Variants in ZNF398 observed in about 807,000 individuals in gnomAD.
ZNF398 encodes the protein zinc finger DNA binding protein ZER6.
A neutral mutation model predicts 41.9 loss-of-function variants in ZNF398; 18 were observed. That is an observed-to-expected ratio of 0.43 (90% CI 0.30 to 0.64). ZNF398 has a LOEUF of 0.64. ZNF398 is among the 30% of genes least tolerant of loss of function. The pLI, the probability that ZNF398 is intolerant of heterozygous loss-of-function variation, is 0.14. For synonymous variants in ZNF398, 260 were observed against 308.8 expected (o/e 0.84, Z 1.66); for missense variants, 669 against 822.8 (o/e 0.81, Z 2.29).
Position 149,148,863 on chromosome 7 carries a change from CTTTTTTTTTTTT to C in ZNF398, c.24+1114_24+1125del, listed in dbSNP as rs59895177. On this transcript the variant is annotated intron_variant, in intron 1 of 5. Coordinates refer to ENST00000475153, the MANE Select transcript of ZNF398 (RefSeq NM_170686.3). ...TTTATGCACGGACCTTTTTCTTTGT[CTTTTTTTTTTTT>C]TTTTTTTTTTTTTTTTAGCTCATCA... Among the ~76,000 whole-genome samples the C allele has an allele frequency of 1.6e-3, 102 of 63,284 alleles. 1 individual carries two copies. Among genetic ancestry groups the C allele is most frequent in the Middle Eastern group, 0.018 (1 of 56 alleles). The allele number at this position is 63,284 out of a possible 152,430, so 41.5% of individuals were successfully genotyped here.
chr7:149,144,671 C>G (rs1157494869), upstream of ZNF398, among the ~76,000 whole-genome samples: 1 of 151,812 alleles, frequency 6.6e-6, no homozygotes, highest in Non-Finnish European at 1.5e-5. Flanking sequence ...TCACTGCAAC[C>G]TCCTCCTCCT....
At position 149,179,885 on chromosome 7, in the gene ZNF398, A is replaced by C; in HGVS notation, c.*84A>C. 1 of 1,242,428 alleles carries C rather than the reference A, an allele frequency of 8.0e-7. No individual in the cohort carries two copies. Among genetic ancestry groups the C allele is most frequent in the Non-Finnish European group, 1.1e-6 (1 of 905,910 alleles). 77.0% of individuals were successfully genotyped at this position (1,242,428 alleles called of 1,614,324 possible). On this transcript the variant is annotated 3_prime_UTR_variant, in exon 6 of 6. Transcript: ENST00000475153. The surrounding 1 kb of genome is among the most constrained non-coding windows in gnomAD (Gnocchi z 6.1). ...AGAAGGTCTGTGAGCCCCATCCAAC[A>C]CCCACAGTAATTATTATCTGGCACA...
chr7:149,157,262 C>T (rs1207461587), intron 2 of ZNF398, among the ~76,000 whole-genome samples: 1 of 152,094 alleles, frequency 6.6e-6, no homozygotes, highest in Non-Finnish European at 1.5e-5. Flanking sequence ...GGGCGGGGCA[C>T]GGTGGCTAAT....
At chr7:149,163,072 C>T (rs188440432) in intron 2 of ZNF398, among the ~76,000 whole-genome samples, 71 of 152,280 alleles carry the variant, frequency 4.7e-4, no homozygotes, top group African/African-American at 1.7e-3. Flanking sequence ...CCTAAGAATA[C>T]AGGTGTGACA....
chr7:149,127,674 G>A (rs536433690), intron 1 of ZNF398, among the ~76,000 whole-genome samples: 79 of 151,914 alleles, frequency 5.2e-4, no homozygotes, highest in African/African-American at 1.9e-3. Flanking sequence ...CCGAGATCGC[G>A]CCACTGCACT....
rs1826982467 is a variant in ZNF398 at position 149,147,595 on chromosome 7, CG to C, written c.-147del. On this transcript the variant is annotated 5_prime_UTR_variant, in exon 1 of 6. Coordinates refer to ENST00000475153, the MANE Select transcript of ZNF398 (RefSeq NM_170686.3). This position sits in a 1 kb window ranked among gnomAD's most constrained non-coding sequence, Gnocchi z 5.6. ...TGCGCGTCCCGAGCCCCGACGGCCG[CG>C]TGAGTCCCGTCCGTGCGGGGAAGGC... is the stretch of plus-strand genomic sequence containing the variant. The C allele has an allele frequency of 1.1e-6, 1 of 898,004 alleles. No homozygotes were observed. The highest frequency in any genetic ancestry group is 1.4e-6 in the Non-Finnish European group (1 of 696,086). The allele number at this position is 898,004 out of a possible 1,614,324, so 55.6% of individuals were successfully genotyped here.
chr7:149,141,450 T>TTC (rs1826823244), intron 2 of ZNF398, among the ~76,000 whole-genome samples: 1 of 130,134 alleles, frequency 7.7e-6, no homozygotes, highest in Non-Finnish European at 1.6e-5. Context: ...TACTTTTCTT[T>TTC]TTTTTCTTTT....
At chr7:149,152,666 A>G (rs1178595807) in intron 1 of ZNF398, among the ~76,000 whole-genome samples, 2 of 151,520 alleles carry the variant, frequency 1.3e-5, no homozygotes, top group African/African-American at 4.9e-5. Context: ...TCCTGGGTTC[A>G]AGCGATTGTC....
intron 2 of ZNF398, among the ~76,000 whole-genome samples, chr7:149,164,392 GC>G (rs569538039): frequency 5.9e-4 from 90 of 152,030 alleles, no homozygotes; most frequent in African/African-American, 2.1e-3. Context: ...GGGTGACAGA[GC>G]AAGACTCCGT....
chr7:149,144,670 C>A (rs978996967), upstream of ZNF398, among the ~76,000 whole-genome samples: 3 of 151,870 alleles, frequency 2.0e-5, no homozygotes, highest in Admixed American at 6.6e-5. Flanking sequence ...CTCACTGCAA[C>A]CTCCTCCTCC....
At chr7:149,174,695 A>G (rs1373807986) in intron 4 of ZNF398, among the ~76,000 whole-genome samples, 1 of 152,106 alleles carries the variant, frequency 6.6e-6, no homozygotes, top group East Asian at 1.9e-4. Flanking sequence ...GCATGGTGGC[A>G]CACACCTGTG....
In ZNF398 at chr7:149,181,133, G is replaced by C. The variant is rs1795580472; in HGVS notation, c.*1332G>C. ...CTTTATGGATCTCAAATTTTCATCT[G>C]CACAATGAGGCTGTTGAAAGGAAAA... On this transcript the variant is annotated 3_prime_UTR_variant, in exon 6 of 6. Transcript: ENST00000475153. The C allele has an allele frequency of 6.6e-6, 1 of 152,500 alleles. No homozygotes were observed. The highest frequency in any genetic ancestry group is 2.4e-5 in the African/African-American group (1 of 41,398). The allele number at this position is 152,500 out of a possible 1,614,324, so 9.4% of individuals were successfully genotyped here. A position where few individuals can be genotyped will look rare whatever the true frequency, so the allele number is the denominator to read the frequency against.
At chr7:149,126,983 G>A (rs892440125) in intron 1 of ZNF398, among the ~76,000 whole-genome samples, 1 of 152,212 alleles carries the variant, frequency 6.6e-6, no homozygotes, top group Non-Finnish European at 1.5e-5. Context: ...CCGGCCTCGG[G>A]GCCGCCTGCG....
chr7:149,154,490 G>A, intron 2 of ZNF398, 150 bp downstream of exon 2: 1 of 1,000,184 alleles, frequency 1.0e-6, no homozygotes, highest in Non-Finnish European at 1.4e-6. Context: ...TTTTATGTTT[G>A]TCTATTTGGG....
Position 149,136,396 on chromosome 7 carries a change from C to T in ZNF398, c.-490+7452C>T, listed in dbSNP as rs114972765. Among the ~76,000 whole-genome samples the T allele has an allele frequency of 8.7e-3, 1,322 of 152,126 alleles. 14 individuals are homozygous for T. The highest frequency in any genetic ancestry group is 0.03 in the African/African-American group (1,252 of 41,506). Reference sequence around the variant, plus strand: ...GCGCCTCACTTCCCAGACGGGTTGGCGGCCGGGCAGAGGTGCTCCTCACTT... The same window carrying T: ...GCGCCTCACTTCCCAGACGGGTTGGTGGCCGGGCAGAGGTGCTCCTCACTT... On this transcript the variant is annotated intron_variant, in intron 2 of 6. Transcript: ENST00000426851.
intron 1 of ZNF398, among the ~76,000 whole-genome samples, chr7:149,149,223 T>C (rs1429089348): frequency 6.6e-6 from 1 of 152,138 alleles, no homozygotes; most frequent in Non-Finnish European, 1.5e-5. Flanking sequence ...TTTCAACATG[T>C]CATCAATTTA....
At chr7:149,148,314 G>C (rs1827014013) in intron 1 of ZNF398, 1 of 384,584 alleles carries the variant, frequency 2.6e-6, no homozygotes, top group Non-Finnish European at 3.6e-6. Context: ...GTGGCCTCGC[G>C]TGCGTGGCGG....
intron 4 of ZNF398, among the ~76,000 whole-genome samples, chr7:149,170,975 C>G (rs1025945925): frequency 1.0e-4 from 15 of 149,110 alleles, no homozygotes; most frequent in African/African-American, 3.7e-4. Flanking sequence ...TCCTGAGTAG[C>G]TGGGACTGCA....
At chr7:149,143,256 G>C (rs200701237), upstream of ZNF398, among the ~76,000 whole-genome samples, 5 of 152,194 alleles carry the variant, frequency 3.3e-5, no homozygotes, top group East Asian at 7.7e-4. Flanking sequence ...TCCTTCTAAA[G>C]CTGATCGGAT....
Sources: gnomAD v4.1 joint callset for allele counts (sites outside exome capture counted in the v4.1 genomes callset) on GRCh38, gnomAD v4.1.1 for gene constraint, Gnocchi (gnomAD v3.1) non-coding constraint, MANE v1.5 for transcripts, NCBI Gene and HGNC (gene_info 2026-07-23, HGNC 2026-07-21) for gene names.